The following MGST1 variants were observed in gnomAD, a reference collection of about 807,000 sequenced individuals.
The protein encoded by MGST1 is microsomal glutathione S-transferase 1, also known as glutathione S-transferase 12.
In MGST1, 5 loss-of-function variants were observed where a neutral mutation model predicts 8.9. The observed-to-expected ratio is 0.56, with a 90% CI of 0.29 to 1.19. The LOEUF is 1.19. Among genes scored for constraint, MGST1 ranks in the 50% most tolerant of loss-of-function variants. The pLI is 0.08. For missense variants in MGST1, 182 were observed against 187.4 expected, an observed-to-expected ratio of 0.97 and a Z score of 0.17; for synonymous variants, 54 against 67.8, an observed-to-expected ratio of 0.80 and a Z score of 1.00.
intron 4 of MGST1, among the ~76,000 whole-genome samples, chr12:16,447,568 G>A (rs1347789614): frequency 6.6e-6 from 1 of 151,916 alleles, no homozygotes; most frequent in Non-Finnish European, 1.5e-5. Context: ...GTGAATAGGT[G>A]CATCTGACTG....
chr12:16,455,932 T>C (rs1941168221), intron 4 of MGST1, among the ~76,000 whole-genome samples: 1 of 151,900 alleles, frequency 6.6e-6, no homozygotes, highest in Non-Finnish European at 1.5e-5. Flanking sequence ...GGTATGTGTG[T>C]ACGTGTGTGT....
chr12:16,513,743 C>T lies in MGST1; in HGVS notation n.483-75785C>T, dbSNP rs1225391287. ...GCCTTGGGCGAGAATAGCGAAGTCTCGAAAAGTGGCCGGTTTGTCACTGTG... is the reference window on the plus strand; with the variant it reads ...GCCTTGGGCGAGAATAGCGAAGTCTTGAAAAGTGGCCGGTTTGTCACTGTG... On this transcript the variant is annotated intron_variant and non_coding_transcript_variant, in intron 4 of 4. Transcript: ENST00000538857. The surrounding 1 kb of genome is among the most constrained non-coding windows in gnomAD (Gnocchi z 4.2). 2 of 574,084 alleles carry T rather than the reference C, an allele frequency of 3.5e-6. No homozygotes were observed. The highest frequency in any genetic ancestry group is 7.0e-6 in the Non-Finnish European group (2 of 287,002). 35.6% of individuals were successfully genotyped at this position (574,084 alleles called of 1,614,324 possible).
intron 4 of MGST1, among the ~76,000 whole-genome samples, chr12:16,579,956 G>A (rs944308272): frequency 1.3e-5 from 2 of 152,136 alleles, no homozygotes; most frequent in African/African-American, 2.4e-5. Flanking sequence ...ATGTTGCACA[G>A]GGTGCTTTCT....
chr12:16,399,676 G>T, intron 1 of MGST1: 1 of 1,481,944 alleles, frequency 6.7e-7, no homozygotes, highest in Non-Finnish European at 9.4e-7. Flanking sequence ...CAGACACCTT[G>T]TTCGAAAAAG....
intron 4 of MGST1, among the ~76,000 whole-genome samples, chr12:16,450,869 TGTGTGTGTCA>T (rs1379309988): frequency 2.6e-5 from 4 of 151,172 alleles, no homozygotes; most frequent in African/African-American, 4.8e-5. Flanking sequence ...TGTGTGTGTG[TGTGTGTGTCA>T]CACACGGAAA....
chr12:16,551,268 T>C (rs752676839), intron 4 of MGST1: 17 of 1,613,096 alleles, frequency 1.1e-5, no homozygotes. Context: ...ACCTTCCTCG[T>C]AGTCCGTCTG....
chr12:16,564,840 C>T (rs540671712), intron 4 of MGST1, among the ~76,000 whole-genome samples: 1 of 152,252 alleles, frequency 6.6e-6, no homozygotes, highest in African/African-American at 2.4e-5. Flanking sequence ...GGCTGGAATG[C>T]AGTGGTGTGA....
Position 16,354,240 on chromosome 12 carries a change from C to A in MGST1, c.-13C>A. ...TTTAAATCTTTTTAAGATTCCAGAC[C>A]AAAATTGAAAAAATGGTTGACCTCA... is the stretch of plus-strand genomic sequence containing the variant. On this transcript the variant is annotated 5_prime_UTR_variant, in exon 2 of 4. Transcript: ENST00000396210. 1 of 1,565,958 alleles carries A rather than the reference C, an allele frequency of 6.4e-7. No homozygotes were observed. Among genetic ancestry groups the A allele is most frequent in the South Asian group, 1.2e-5 (1 of 81,870 alleles).
At chr12:16,352,313 T>C (rs1939504921) in intron 1 of MGST1, among the ~76,000 whole-genome samples, 2 of 152,154 alleles carry the variant, frequency 1.3e-5, no homozygotes, top group South Asian at 4.1e-4. Context: ...AAGATACATA[T>C]AAATGTATAG....
Position 16,418,735 on chromosome 12 carries a change from C to A in MGST1, n.779-18653C>A, listed in dbSNP as rs1392592634. ...TAACCTTTGTGTGCCTTGGTTGTCT[C>A]AAGAGGGATACTAATAATAATGCCT... On this transcript the variant is annotated intron_variant and non_coding_transcript_variant, in intron 1 of 1. Transcript: ENST00000359720. Among the ~76,000 whole-genome samples, 3 of 152,162 alleles carry A rather than the reference C, an allele frequency of 2.0e-5. No homozygotes were observed. The South Asian group carries it at 6.2e-4, about 32-fold the overall frequency.
intron 1 of MGST1, chr12:16,402,018 C>T: frequency 6.2e-7 from 1 of 1,603,766 alleles, no homozygotes; most frequent in Non-Finnish European, 8.5e-7. Flanking sequence ...GCTGAACACT[C>T]CAATCTTCTT....
rs556602951 is a variant in MGST1, at chr12:16,566,135, C to A, written n.483-23393C>A. 6.1e-4 allele frequency among the ~76,000 whole-genome samples: 90 copies of A among 147,882 alleles called. 1 individual carries two copies. The highest frequency in any genetic ancestry group is 2.1e-3 in the African/African-American group (85 of 40,024). On this transcript the variant is annotated intron_variant and non_coding_transcript_variant, in intron 4 of 4. Transcript: ENST00000538857. ...AGGGCATCATGTTAAATGAAATAAG[C>A]CAGGCATAGATGGAAAAATACCTCA... is the stretch of plus-strand genomic sequence containing the variant.
At chr12:16,387,713 A>G (rs1292322211) in intron 1 of MGST1, among the ~76,000 whole-genome samples, 1 of 151,982 alleles carries the variant, frequency 6.6e-6, no homozygotes, top group African/African-American at 2.4e-5. Context: ...TTTTTAGTAG[A>G]GACGGGTTTT....
At position 16,503,557 on chromosome 12, in the gene MGST1, A is replaced by G. The variant is rs763231277; in HGVS notation, n.483-85971A>G. The stretch of plus-strand genomic sequence containing the variant: ...CTGTTCACCACTCTATCTCTTCTCT[A>G]CTATTGGCTTCATAATTGTACATCC... On this transcript the variant is annotated intron_variant and non_coding_transcript_variant, in intron 4 of 4. Transcript: ENST00000538857. This position sits in a 1 kb window ranked among gnomAD's most constrained non-coding sequence, Gnocchi z 4.8. Among the ~76,000 whole-genome samples the G allele has an allele frequency of 6.0e-4, 91 of 152,150 alleles. 2 individuals carry two copies. Among genetic ancestry groups the G allele is most frequent in the Non-Finnish European group, 6.3e-4 (43 of 68,018 alleles).
chr12:16,398,399 G>C (rs1221788245), intron 1 of MGST1, among the ~76,000 whole-genome samples: 2 of 152,188 alleles, frequency 1.3e-5, no homozygotes, highest in South Asian at 2.1e-4. Flanking sequence ...CTGTGTTGTA[G>C]ATATGGCCTC....
At chr12:16,483,066 A>G (rs1941375676) in intron 4 of MGST1, among the ~76,000 whole-genome samples, 1 of 152,258 alleles carries the variant, frequency 6.6e-6, no homozygotes, top group Non-Finnish European at 1.5e-5. Context: ...ATAAGCATTT[A>G]TCTGGAATAA....
At chr12:16,561,870 G>A (rs1009153768) in intron 4 of MGST1, among the ~76,000 whole-genome samples, 1 of 152,124 alleles carries the variant, frequency 6.6e-6, no homozygotes, top group African/African-American at 2.4e-5. Flanking sequence ...AACAATAAAT[G>A]CATTTTAAAG....
At chr12:16,446,617 C>T (rs1222894898) in intron 4 of MGST1, among the ~76,000 whole-genome samples, 1 of 151,890 alleles carries the variant, frequency 6.6e-6, no homozygotes, top group Non-Finnish European at 1.5e-5. Flanking sequence ...ATTGAGACTC[C>T]CAGGCCCCTG....
chr12:16,443,207 A>G (rs532594920), downstream of MGST1, among the ~76,000 whole-genome samples: 1 of 151,654 alleles, frequency 6.6e-6, no homozygotes, highest in South Asian at 2.1e-4. Context: ...ACTTGGAATG[A>G]TTTTTTTCAG....
Sources: gnomAD v4.1 joint callset for allele counts (sites outside exome capture counted in the v4.1 genomes callset) on GRCh38, gnomAD v4.1.1 for gene constraint, Gnocchi (gnomAD v3.1) non-coding constraint, MANE v1.5 for transcripts, NCBI Gene and HGNC (gene_info 2026-07-23, HGNC 2026-07-21) for gene names.